The following SH3BGR variants were observed in gnomAD, a reference collection of about 807,000 sequenced individuals.
SH3BGR encodes SH3 domain-binding glutamic acid-rich protein.
A neutral mutation model predicts 24.5 loss-of-function variants in SH3BGR; 29 were observed. That is an observed-to-expected ratio of 1.18 (90% confidence interval 0.88 to 1.61). The LOEUF is 1.61. SH3BGR is among the 40% of genes most tolerant of loss of function. The pLI, the probability that SH3BGR is intolerant of heterozygous loss-of-function variation, is 0.00. For synonymous variants in SH3BGR, 55 were observed against 65.7 expected, an observed-to-expected ratio of 0.84 and a Z score of 0.79; for missense variants, 162 against 205.8, an observed-to-expected ratio of 0.79 and a Z score of 1.30.
Position 39,511,748 on chromosome 21 carries a change from A to AGAG in SH3BGR, c.505_507dup (p.Glu169dup), listed in dbSNP as rs2123570968. 6.2e-7 allele frequency: 1 copy of AGAG among 1,612,352 alleles called. No homozygotes were observed. Among genetic ancestry groups the AGAG allele is most frequent in the South Asian group, 1.1e-5 (1 of 90,988 alleles). On this transcript the variant is annotated inframe_insertion, in exon 6 of 7. Coordinates refer to ENST00000333634, the MANE Select transcript of SH3BGR (RefSeq NM_007341.3). The surrounding 1 kb of genome is among the most constrained non-coding windows in gnomAD (Gnocchi z 4.2). ...AGGAGGAAGAAACTGCAGAAGGAGA[A>AGAG]GAGCCTGGAGAAGACGAAGATTCCT...
chr21:39,484,814 G>T (rs375995253), intron 3 of SH3BGR, among the ~76,000 whole-genome samples: 1 of 152,158 alleles, frequency 6.6e-6, no homozygotes, highest in African/African-American at 2.4e-5. Flanking sequence ...TATACTGTGC[G>T]CAGGGACAGA....
chr21:39,456,629 C>A (rs951600045), intron 1 of SH3BGR, among the ~76,000 whole-genome samples: 7 of 152,066 alleles, frequency 4.6e-5, no homozygotes, highest in Admixed American at 1.3e-4. Flanking sequence ...AGATCTAGTG[C>A]CAGGCATCCA....
At chr21:39,483,546 A>G (rs566516475) in intron 3 of SH3BGR, among the ~76,000 whole-genome samples, 2 of 152,378 alleles carry the variant, frequency 1.3e-5, no homozygotes, top group South Asian at 2.1e-4. Flanking sequence ...AAAAGAACAT[A>G]TGATTCAGTT....
chr21:39,450,719 T>C (rs944087543), upstream of SH3BGR, among the ~76,000 whole-genome samples: 1 of 152,272 alleles, frequency 6.6e-6, no homozygotes, highest in African/African-American at 2.4e-5. Context: ...TTTTGAAATC[T>C]ATCAGAAGAA....
chr21:39,499,591 A>G lies in SH3BGR; in HGVS notation c.313-232A>G, dbSNP rs549296110. 2.0e-5 allele frequency among the ~76,000 whole-genome samples: 3 copies of G among 152,284 alleles called. No individual in the cohort carries two copies. In the South Asian group the frequency reaches 6.2e-4, roughly 32 times the overall value. On this transcript the variant is annotated intron_variant, in intron 3 of 6. Transcript: ENST00000333634. ...GTGAACTGAAACTCCTCACTTAGGC[A>G]GTTTGTTACCCTGCAATGCACATAG... is the stretch of plus-strand genomic sequence containing the variant.
chr21:39,469,292 T>G (rs761818491), intron 2 of SH3BGR, among the ~76,000 whole-genome samples: 2 of 151,864 alleles, frequency 1.3e-5, no homozygotes, highest in African/African-American at 2.4e-5. Flanking sequence ...ATTCCTAATG[T>G]TTCTGTTGTG....
chr21:39,466,997 G>A (rs1569154680), intron 2 of SH3BGR, among the ~76,000 whole-genome samples: 1 of 152,004 alleles, frequency 6.6e-6, no homozygotes. Context: ...TTTTGTTAAG[G>A]AAAGCTTTCT....
chr21:39,471,129 T>C (rs1201006495), intron 2 of SH3BGR, among the ~76,000 whole-genome samples: 1 of 152,020 alleles, frequency 6.6e-6, no homozygotes, highest in Non-Finnish European at 1.5e-5. Context: ...TTCTTCTTCC[T>C]CTTTCTCTTC....
chr21:39,492,685 T>A (rs546667408), intron 3 of SH3BGR, among the ~76,000 whole-genome samples: 1 of 152,320 alleles, frequency 6.6e-6, no homozygotes, highest in Non-Finnish European at 1.5e-5. Flanking sequence ...TTTAGTTCTT[T>A]AAGAAATATC....
At chr21:39,459,423 C>T (rs2077718374) in intron 1 of SH3BGR, among the ~76,000 whole-genome samples, 2 of 152,134 alleles carry the variant, frequency 1.3e-5, no homozygotes, top group South Asian at 4.1e-4. Context: ...CAGGGTTTCA[C>T]CATGTTGGCC....
At chr21:39,500,999 A>G (rs1035923832) in intron 4 of SH3BGR, among the ~76,000 whole-genome samples, 26 of 152,230 alleles carry the variant, frequency 1.7e-4, no homozygotes, top group Admixed American at 1.6e-3. Flanking sequence ...GAAAGACAAA[A>G]TCTTCAATCT....
chr21:39,492,794 G>T (rs141211739), intron 3 of SH3BGR, among the ~76,000 whole-genome samples: 3,143 of 152,042 alleles, frequency 0.021, 122 homozygotes, highest in African/African-American at 0.072. Flanking sequence ...TATATTTTTT[G>T]ATTTTTTGAT....
In SH3BGR at chr21:39,488,658, C is replaced by T. The variant is rs76381333; in HGVS notation, c.313-11165C>T. ...TTGACAAGGAAGAGAAGGGCACCAT[C>T]ATGGGCGCTGAAATCCGGCAAGTCC... On this transcript the variant is annotated intron_variant, in intron 3 of 6. Coordinates refer to ENST00000333634, the MANE Select transcript of SH3BGR (RefSeq NM_007341.3). The T allele has an allele frequency of 1.6e-3, 621 of 376,540 alleles. 4 individuals carry two copies. The highest frequency in any genetic ancestry group is 0.012 in the African/African-American group (566 of 47,536). The allele number at this position is 376,540 out of a possible 1,614,324, so 23.3% of individuals were successfully genotyped here.
intron 2 of SH3BGR, among the ~76,000 whole-genome samples, chr21:39,463,274 G>A (rs571732515): frequency 6.6e-6 from 1 of 152,282 alleles, no homozygotes; most frequent in Non-Finnish European, 1.5e-5. Context: ...TTTGAAAACT[G>A]TTCTGGGCAT....
chr21:39,502,166 A>G (rs4818042), intron 4 of SH3BGR, among the ~76,000 whole-genome samples: 79,325 of 151,992 alleles, frequency 0.52, 21,164 homozygotes, highest in East Asian at 0.68. Flanking sequence ...GAGTAAGACC[A>G]TCTCAAAAAA....
At chr21:39,490,028 T>G (rs1012488417) in intron 3 of SH3BGR, among the ~76,000 whole-genome samples, 1 of 152,164 alleles carries the variant, frequency 6.6e-6, no homozygotes, top group African/African-American at 2.4e-5. Context: ...GGGAAATAAG[T>G]GTAAGTGTTC....
chr21:39,507,392 G>A (rs891424315), intron 4 of SH3BGR, among the ~76,000 whole-genome samples: 1 of 152,170 alleles, frequency 6.6e-6, no homozygotes, highest in Non-Finnish European at 1.5e-5. Context: ...GGAGTGCAGT[G>A]GCGCAATCTT....
chr21:39,447,367 A>C (rs914088310), upstream of SH3BGR, among the ~76,000 whole-genome samples: 1 of 150,006 alleles, frequency 6.7e-6, no homozygotes, highest in African/African-American at 2.4e-5. Flanking sequence ...TGTAGACATG[A>C]TAAGTCACTG....
chr21:39,496,557 G>A lies in SH3BGR; in HGVS notation c.313-3266G>A, dbSNP rs188679913. Among the ~76,000 whole-genome samples the A allele has an allele frequency of 1.9e-3, 286 of 150,020 alleles. 2 individuals are homozygous for A. Among genetic ancestry groups the A allele is most frequent in the African/African-American group, 6.6e-3 (271 of 40,818 alleles). On this transcript the variant is annotated intron_variant, in intron 3 of 6. Coordinates refer to ENST00000333634, the MANE Select transcript of SH3BGR (RefSeq NM_007341.3). ...ATCTTTATTTGCATATGATATAATT[G>A]CATGCCTAAAAATCTTTAAAATTCC...
Sources: gnomAD v4.1 joint callset for allele counts (sites outside exome capture counted in the v4.1 genomes callset) on GRCh38, gnomAD v4.1.1 for gene constraint, Gnocchi (gnomAD v3.1) non-coding constraint, MANE v1.5 for transcripts, NCBI Gene and HGNC (gene_info 2026-07-23, HGNC 2026-07-21) for gene names.